Variants in FMN1 observed in about 807,000 individuals in gnomAD.
FMN1 encodes the protein formin-1.
In FMN1, 110 loss-of-function variants were observed where a neutral mutation model predicts 132.4. The observed-to-expected ratio is 0.83, with a 90% confidence interval of 0.71 to 0.97. The LOEUF (loss-of-function observed/expected upper bound fraction) is 0.97. Among genes scored for constraint, FMN1 ranks in the 50% least tolerant of loss-of-function variants. The pLI, the probability that FMN1 is intolerant of heterozygous loss-of-function variation, is 0.00. For synonymous variants in FMN1, 722 were observed against 651.7 expected (o/e 1.11, Z -1.64); for missense variants, 1,792 against 1,705.3 (o/e 1.05, Z -0.90).
intron 4 of FMN1, among the ~76,000 whole-genome samples, chr15:33,149,590 A>G (rs1376612068): frequency 6.6e-6 from 1 of 152,316 alleles, no homozygotes; most frequent in East Asian, 1.9e-4. Flanking sequence ...TTGGGATCCT[A>G]TTACTTTCTC....
chr15:32,949,962 TATACACAC>T (rs1342527500), intron 9 of FMN1, among the ~76,000 whole-genome samples: 35 of 42,540 alleles, frequency 8.2e-4, no homozygotes, highest in Admixed American at 1.5e-3. Flanking sequence ...TATATATATA[TATACACAC>T]ATATATATAC....
rs16959063 is a variant in FMN1 at position 32,813,529 on chromosome 15, G to A, written c.3929-9197C>T. Reference sequence around the variant, plus strand: ...ACACTTGGCCTTCAGACTTTATGAAGGATTTTGTTCATTCTTCTTAAAGGC... The same window carrying A: ...ACACTTGGCCTTCAGACTTTATGAAAGATTTTGTTCATTCTTCTTAAAGGC... On this transcript the variant is annotated intron_variant, in intron 17 of 20. Transcript: ENST00000616417. Among the ~76,000 whole-genome samples the A allele has an allele frequency of 8.1e-3, 1,231 of 152,254 alleles. 8 individuals carry two copies. The highest frequency in any genetic ancestry group is 0.017 in the Middle Eastern group (5 of 294).
Position 32,829,933 on chromosome 15 carries a change from G to A in FMN1, c.3929-25601C>T, listed in dbSNP as rs751488113. 5.9e-5 allele frequency among the ~76,000 whole-genome samples: 9 copies of A among 152,286 alleles called. No individual in the cohort carries two copies. The South Asian group carries it at 6.2e-4, about 11-fold the overall frequency. On this transcript the variant is annotated intron_variant, in intron 17 of 20. Transcript: ENST00000616417. ...CATTTCTCCCACGTGGCAGAGTTAG[G>A]AGGTACTGAATCCAAATTTTGTCCT...
At position 32,988,227 on chromosome 15, in the gene FMN1, T is replaced by A. The variant is rs114473788; in HGVS notation, c.2224-18750A>T. Among the ~76,000 whole-genome samples, 640 of 152,156 alleles carry A rather than the reference T, an allele frequency of 4.2e-3. 4 individuals carry two copies. Among genetic ancestry groups the A allele is most frequent in the African/African-American group, 0.015 (619 of 41,522 alleles). ...ATCATCTGAGAATTAGAAAATAATCTACCAAGCTCCTATTTGTAAACCCTC... is the reference window on the plus strand; with the variant it reads ...ATCATCTGAGAATTAGAAAATAATCAACCAAGCTCCTATTTGTAAACCCTC... On this transcript the variant is annotated intron_variant, in intron 7 of 20. Coordinates refer to ENST00000616417, the MANE Select transcript of FMN1 (RefSeq NM_001277313.2).
rs2306277 is a variant in FMN1 at position 33,065,061 on chromosome 15, A to G, written c.2057T>C (p.Leu686Pro). The G allele has an allele frequency of 0.55, 876,919 of 1,606,420 alleles. 243,334 individuals are homozygous for G. Among genetic ancestry groups the G allele is most frequent in the Middle Eastern group, 0.58 (3,512 of 6,044 alleles). Residue 686 changes from leucine (L) to proline (P), a missense_variant, in exon 6 of 21, where the codon CTG becomes CCG. Transcript: ENST00000616417. ...LYLDLHPDHS[L>P]TEQDDRTPGR... The stretch of plus-strand genomic sequence containing the variant: ...AGGAGTCCTGTCATCCTGCTCAGTC[A>G]GGCTGTGGTCAGGCTGTTGAAAGAG...
intron 16 of FMN1, among the ~76,000 whole-genome samples, chr15:32,880,918 A>G (rs1306764887): frequency 6.6e-6 from 1 of 152,122 alleles, no homozygotes; most frequent in Non-Finnish European, 1.5e-5. Context: ...TACTTCCCCC[A>G]TATTAGTCAA....
intron 6 of FMN1, among the ~76,000 whole-genome samples, chr15:33,052,432 TAAAC>T (rs1454879760): frequency 7.2e-5 from 11 of 152,122 alleles, no homozygotes; most frequent in East Asian, 1.9e-4. Context: ...ATCAAAGACT[TAAAC>T]AAATACACAA....
chr15:32,771,495 C>G lies in FMN1; in HGVS notation c.*2815G>C, dbSNP rs1376842789. The G allele has an allele frequency of 6.6e-6, 1 of 152,236 alleles. No homozygotes were observed. The highest frequency in any genetic ancestry group is 1.5e-5 in the Non-Finnish European group (1 of 68,034). The allele number at this position is 152,236 out of a possible 1,614,324, so 9.4% of individuals were successfully genotyped here. On this transcript the variant is annotated 3_prime_UTR_variant, in exon 21 of 21. Transcript: ENST00000616417. Reference sequence around the variant, plus strand: ...TGCTGTCAATTGCTCATGCAAGAATCTGAACTACTGTCAAACTGTGTCCTC... The same window carrying G: ...TGCTGTCAATTGCTCATGCAAGAATGTGAACTACTGTCAAACTGTGTCCTC...
chr15:33,025,382 C>A (rs1228889131), intron 6 of FMN1, among the ~76,000 whole-genome samples: 1 of 152,022 alleles, frequency 6.6e-6, no homozygotes, highest in Non-Finnish European at 1.5e-5. Flanking sequence ...TTTTCAGGAA[C>A]ATATATTTTC....
chr15:33,103,400 T>C (rs932899754), intron 4 of FMN1, among the ~76,000 whole-genome samples: 2 of 152,074 alleles, frequency 1.3e-5, no homozygotes, highest in Non-Finnish European at 2.9e-5. Flanking sequence ...GTTAATATTA[T>C]ACAATGGACT....
At chr15:33,125,813 T>C (rs1054097453) in intron 4 of FMN1, among the ~76,000 whole-genome samples, 1 of 152,222 alleles carries the variant, frequency 6.6e-6, no homozygotes, top group Admixed American at 6.5e-5. Context: ...CCTATTTTCA[T>C]GTAGTTCATC....
chr15:32,981,370 T>C (rs1277734185), intron 7 of FMN1, among the ~76,000 whole-genome samples: 1 of 151,328 alleles, frequency 6.6e-6, no homozygotes, highest in Non-Finnish European at 1.5e-5. Context: ...CAGGCACTTG[T>C]AGTCCCAGCC....
At chr15:32,834,439 C>G (rs1437433757) in intron 17 of FMN1, among the ~76,000 whole-genome samples, 3 of 152,160 alleles carry the variant, frequency 2.0e-5, no homozygotes, top group Non-Finnish European at 4.4e-5. Context: ...TTCCCTTGCC[C>G]TTTCACATTT....
intron 9 of FMN1, among the ~76,000 whole-genome samples, chr15:32,949,160 C>A (rs1276484483): frequency 1.3e-5 from 2 of 151,876 alleles, no homozygotes; most frequent in African/African-American, 4.8e-5. Flanking sequence ...TGGGTGTGAT[C>A]ATGTATTTTT....
Position 32,968,821 on chromosome 15 carries a change from G to A in FMN1, c.2880C>T (p.Phe960=), listed in dbSNP as rs754588359. 8.9e-6 allele frequency: 14 copies of A among 1,571,528 alleles called. No homozygotes were observed. In the South Asian group the frequency reaches 1.3e-4, roughly 15 times the overall value. The change falls in exon 8 of 21, where the codon TTC becomes TTT. Residue 960 remains phenylalanine (F), a synonymous_variant. Coordinates refer to ENST00000616417, the MANE Select transcript of FMN1 (RefSeq NM_001277313.2). Reference sequence around the variant, plus strand: ...GACTGGAAGAAGAGCCAAGTCCAAAGAAGAGTCCAGGGGGAGGTGGGGGTG... The same window carrying A: ...GACTGGAAGAAGAGCCAAGTCCAAAAAAGAGTCCAGGGGGAGGTGGGGGTG... ...GLAPPPPPGL[F]FGLGSSSSQC...
Position 33,079,758 on chromosome 15 carries a change from A to C in FMN1, c.2043+9041T>G, listed in dbSNP as rs529133679. Among the ~76,000 whole-genome samples the C allele has an allele frequency of 6.2e-4, 95 of 152,356 alleles. 1 individual carries two copies. Among genetic ancestry groups the C allele is most frequent in the Middle Eastern group, 6.8e-3 (2 of 294 alleles). The stretch of plus-strand genomic sequence containing the variant: ...AAACATGATAACCATCCTTCACATC[A>C]ATTTCCAGATTTGTACTAATTTGAG... On this transcript the variant is annotated intron_variant, in intron 5 of 20. Transcript: ENST00000616417.
At chr15:33,124,208 A>G (rs1227751821) in intron 4 of FMN1, among the ~76,000 whole-genome samples, 4 of 152,216 alleles carry the variant, frequency 2.6e-5, no homozygotes, top group African/African-American at 9.6e-5. Context: ...TTCAAAAGAA[A>G]AGTGAGGTGA....
At chr15:32,977,939 C>A (rs974483810) in intron 7 of FMN1, among the ~76,000 whole-genome samples, 1 of 151,884 alleles carries the variant, frequency 6.6e-6, no homozygotes, top group Non-Finnish European at 1.5e-5. Flanking sequence ...TCACTGCAAC[C>A]TCCGCCTCCC....
intron 6 of FMN1, among the ~76,000 whole-genome samples, chr15:33,015,421 A>G (rs1157965477): frequency 1.3e-5 from 2 of 152,126 alleles, no homozygotes; most frequent in Non-Finnish European, 2.9e-5. Context: ...TGTCTTTTCT[A>G]AGGGAATTTC....
Sources: allele counts gnomAD v4.1 joint callset (sites outside exome capture counted in the v4.1 genomes callset), GRCh38; gene constraint gnomAD v4.1.1; transcripts MANE v1.5; gene names NCBI Gene and HGNC (gene_info 2026-07-23, HGNC 2026-07-21).